TBC1D5: variants seen among roughly 807,000 people sequenced by gnomAD.
TBC1D5 encodes the protein TBC1 domain family, member 5.
In TBC1D5, 75 loss-of-function variants were observed where a neutral mutation model predicts 100.3. The observed-to-expected ratio is 0.75, with a 90% CI of 0.62 to 0.91. TBC1D5 has a LOEUF of 0.91. Ranked by LOEUF, TBC1D5 falls within the 40% of genes least tolerant of loss-of-function variation. The probability of loss-of-function intolerance (pLI) is 0.00; values close to 1 mark genes in which losing one functional copy is unlikely to be tolerated. For synonymous variants in TBC1D5, 323 were observed against 325.6 expected, an observed-to-expected ratio of 0.99 and a Z score of 0.09; for missense variants, 910 against 942.4, an observed-to-expected ratio of 0.97 and a Z score of 0.45.
intron 1 of TBC1D5, among the ~76,000 whole-genome samples, chr3:17,698,123 T>C (rs35423549): frequency 0.51 from 77,893 of 151,342 alleles, 21,753 homozygotes; most frequent in East Asian, 0.97. Context: ...GGAGGCATCA[T>C]GCTACCTGAC....
At position 17,166,753 on chromosome 3, in the gene TBC1D5, CAG is replaced by C; in HGVS notation, c.2094+12_2094+13del. On this transcript the variant is annotated intron_variant, in intron 21 of 21. Transcript: ENST00000253692. ...CTTTGAGTTAATGTAACATGTTCCT[CAG>C]AGTTTCTGTACCTGTTTAATGGCCC... 6.3e-7 allele frequency: 1 copy of C among 1,595,628 alleles called. No individual in the cohort carries two copies. The highest frequency in any genetic ancestry group is 8.5e-7 in the Non-Finnish European group (1 of 1,173,062).
intron 3 of TBC1D5, among the ~76,000 whole-genome samples, chr3:17,467,449 T>A (rs73153020): frequency 2.0e-5 from 3 of 152,024 alleles, no homozygotes; most frequent in African/African-American, 7.3e-5. Context: ...GACCTTAAAA[T>A]ACCCTGTATG....
chr3:17,192,353 A>T (rs1436324264), intron 18 of TBC1D5, among the ~76,000 whole-genome samples: 3 of 151,938 alleles, frequency 2.0e-5, no homozygotes, highest in Non-Finnish European at 4.4e-5. Context: ...AACTTCTATG[A>T]AATAAATTGT....
At chr3:17,520,940 A>G (rs1418343618) in intron 2 of TBC1D5, among the ~76,000 whole-genome samples, 1 of 152,194 alleles carries the variant, frequency 6.6e-6, no homozygotes, top group Non-Finnish European at 1.5e-5. Context: ...CAGGAAAGAC[A>G]TGTTTTTGCC....
chr3:17,357,539 G>C (rs902754407), intron 13 of TBC1D5, among the ~76,000 whole-genome samples: 1 of 152,156 alleles, frequency 6.6e-6, no homozygotes, highest in Non-Finnish European at 1.5e-5. Context: ...GTTACTTATA[G>C]ATGGCTGAAG....
intron 16 of TBC1D5, among the ~76,000 whole-genome samples, chr3:17,254,960 T>C (rs1288899251): frequency 6.6e-6 from 1 of 152,158 alleles, no homozygotes; most frequent in African/African-American, 2.4e-5. Flanking sequence ...CAGTTCTGTT[T>C]GAAAAATACT....
intron 2 of TBC1D5, among the ~76,000 whole-genome samples, chr3:17,619,737 T>C (rs1447223786): frequency 6.6e-6 from 1 of 152,158 alleles, no homozygotes; most frequent in African/African-American, 2.4e-5. Flanking sequence ...AGATATAAAA[T>C]TTCGCAGGAC....
At chr3:17,614,834 G>A (rs1577031678) in intron 2 of TBC1D5, among the ~76,000 whole-genome samples, 1 of 152,144 alleles carries the variant, frequency 6.6e-6, no homozygotes, top group Admixed American at 6.5e-5. Context: ...TGCAAACTGG[G>A]ACAATTTGAC....
intron 1 of TBC1D5, among the ~76,000 whole-genome samples, chr3:17,628,597 A>G (rs1258814415): frequency 6.6e-6 from 1 of 152,216 alleles, no homozygotes; most frequent in Admixed American, 6.5e-5. Flanking sequence ...TAACTATCTG[A>G]AGAACCCTGG....
Position 17,372,106 on chromosome 3 carries a change from T to A in TBC1D5, c.964A>T (p.Arg322Ter). Reference sequence around the variant, plus strand: ...TATATCTGTGGTGCAATTTCTAGTCTGTTCAAGTGCATGTAAAGCTCAATA... The same window carrying A: ...TATATCTGTGGTGCAATTTCTAGTCAGTTCAAGTGCATGTAAAGCTCAATA... The change falls in exon 13 of 22, where the codon AGA (arginine) becomes TGA (stop). Residue 322 changes from arginine (R) to a stop codon, truncating the protein, a stop_gained. Transcript: ENST00000253692. LOFTEE classifies it high-confidence loss of function. The A allele has an allele frequency of 6.2e-7, 1 of 1,612,446 alleles. No individual in the cohort carries two copies. Among genetic ancestry groups the A allele is most frequent in the African/African-American group, 1.3e-5 (1 of 74,968 alleles).
At chr3:17,362,724 G>A (rs565223098) in intron 13 of TBC1D5, among the ~76,000 whole-genome samples, 9 of 152,158 alleles carry the variant, frequency 5.9e-5, no homozygotes, top group African/African-American at 1.4e-4. Context: ...TGCCCGCCTC[G>A]GCCTGCCAAA....
chr3:17,199,427 T>A (rs1034748912), intron 18 of TBC1D5, among the ~76,000 whole-genome samples: 6 of 152,260 alleles, frequency 3.9e-5, no homozygotes, highest in Non-Finnish European at 7.3e-5. Flanking sequence ...ATTTCATTCT[T>A]ATTTTCAAAA....
rs2061095665 is a variant in TBC1D5, at chr3:17,603,141, CT to C, written c.-36+20707del. Among the ~76,000 whole-genome samples the C allele has an allele frequency of 2.0e-5, 3 of 147,780 alleles. No individual in the cohort carries two copies. In the South Asian group the frequency reaches 6.5e-4, roughly 32 times the overall value. On this transcript the variant is annotated intron_variant, in intron 2 of 21. Coordinates refer to ENST00000253692, the Ensembl canonical transcript of TBC1D5. Reference sequence around the variant, plus strand: ...AAACAGGAAGAGTTCCAAAAAGATTCTTTAAGTTTTTTGGTTTTTTTTTTTT... The same window carrying C: ...AAACAGGAAGAGTTCCAAAAAGATTCTTAAGTTTTTTGGTTTTTTTTTTTT...
At chr3:17,187,662 A>G (rs1283959037) in intron 18 of TBC1D5, among the ~76,000 whole-genome samples, 1 of 152,252 alleles carries the variant, frequency 6.6e-6, no homozygotes, top group Non-Finnish European at 1.5e-5. Flanking sequence ...AGCATATGGC[A>G]TGAGGAAACA....
chr3:17,687,361 T>C (rs2070452662), intron 1 of TBC1D5, among the ~76,000 whole-genome samples: 1 of 152,166 alleles, frequency 6.6e-6, no homozygotes, highest in Admixed American at 6.6e-5. Flanking sequence ...AACCAAGGAA[T>C]GACAAAAATG....
At chr3:17,338,618 T>C (rs1016665460) in intron 13 of TBC1D5, 3 of 152,218 alleles carry the variant, frequency 2.0e-5, no homozygotes, top group East Asian at 1.9e-4. Context: ...TATTTTATCA[T>C]TAGCAACACG....
chr3:17,474,612 A>G (rs1266329086), intron 3 of TBC1D5, among the ~76,000 whole-genome samples: 3 of 152,194 alleles, frequency 2.0e-5, no homozygotes. Flanking sequence ...TTCAGAAGAT[A>G]TATTTAGACA....
At chr3:17,695,462 A>G (rs917211923) in intron 1 of TBC1D5, among the ~76,000 whole-genome samples, 1 of 152,198 alleles carries the variant, frequency 6.6e-6, no homozygotes, top group African/African-American at 2.4e-5. Flanking sequence ...CTCTGATAAA[A>G]ACAGACTATA....
At chr3:17,210,197 T>A (rs2348002) in intron 18 of TBC1D5, among the ~76,000 whole-genome samples, 2 of 151,302 alleles carry the variant, frequency 1.3e-5, no homozygotes, top group Non-Finnish European at 2.9e-5. Flanking sequence ...GAACTTTTTT[T>A]TTTTTTTTGA....
Sources: allele counts gnomAD v4.1 joint callset (sites outside exome capture counted in the v4.1 genomes callset), GRCh38; gene constraint gnomAD v4.1.1; transcripts MANE v1.5; gene names NCBI Gene and HGNC (gene_info 2026-07-23, HGNC 2026-07-21).